FBN2: variants seen among roughly 807,000 people sequenced by gnomAD.
FBN2 encodes the protein fibrillin 2, also known as fibrillin-2.
A neutral mutation model predicts 355.6 loss-of-function variants in FBN2; 105 were observed. That is an observed-to-expected ratio of 0.30 (90% confidence interval 0.25 to 0.35). The LOEUF is 0.35. Among genes scored for constraint, FBN2 ranks in the 10% least tolerant of loss-of-function variants. The pLI is 1.00. For synonymous variants in FBN2, 1,350 were observed against 1,301.2 expected, an observed-to-expected ratio of 1.04 and a Z score of -0.81; for missense variants, 3,280 against 3,758.7, an observed-to-expected ratio of 0.87 and a Z score of 3.33.
chr5:128,276,327 C>T (rs1017222452), intron 58 of FBN2, among the ~76,000 whole-genome samples, 167 bp from the exon 59 acceptor site: 1 of 152,080 alleles, frequency 6.6e-6, no homozygotes, highest in African/African-American at 2.4e-5. Flanking sequence ...AAGTAACATG[C>T]GGGTTTACTT....
chr5:128,259,560 G>T lies in FBN2; in HGVS notation c.8634C>A (p.Tyr2878Ter), dbSNP rs150258538. The change falls in exon 65 of 65, where the codon TAC becomes TAA. Residue 2878 changes from tyrosine (Y) to a stop codon, truncating the protein, a stop_gained. Transcript: ENST00000262464. LOFTEE classifies it high-confidence loss of function. ...CCAGTTTCTTAAGCTCCTTCTTCTT[G>T]TAGAGAGGGATGCTAGTGATTTCCA... ...YTLEITSIPLYKKKELKKLEE... is the reference protein window; with the variant it reads ...YTLEITSIPL 6.2e-7 allele frequency: 1 copy of T among 1,613,930 alleles called. No homozygotes were observed. Among genetic ancestry groups the T allele is most frequent in the African/African-American group, 1.3e-5 (1 of 74,906 alleles).
At chr5:128,283,071 A>C (rs1166249124) in intron 55 of FBN2, among the ~76,000 whole-genome samples, 1 of 152,122 alleles carries the variant, frequency 6.6e-6, no homozygotes, top group African/African-American at 2.4e-5. Flanking sequence ...CTCACTTTCA[A>C]CCTTTTGTCT....
intron 5 of FBN2, among the ~76,000 whole-genome samples, chr5:128,467,632 T>G (rs1368659461): frequency 2.6e-5 from 4 of 152,138 alleles, no homozygotes; most frequent in Non-Finnish European, 5.9e-5. Flanking sequence ...AATACTGATG[T>G]ATACCATGCT....
At chr5:128,445,506 C>A (rs1197972956) in intron 7 of FBN2, among the ~76,000 whole-genome samples, 1 of 152,126 alleles carries the variant, frequency 6.6e-6, no homozygotes, top group Non-Finnish European at 1.5e-5. Context: ...TTTGCCTCTT[C>A]CCATTTTCTT....
In FBN2 at chr5:128,537,397, T is replaced by C; in HGVS notation, c.207A>G (p.Ala69=). The part of the protein sequence containing the change: ...LAPEYREEGA[A]VASRVRRRGQ... ...CTCGCCGGCGGACGCGGCTGGCCAC[T>C]GCGGCACCCTCCTCGCGATACTCGG... The change falls in exon 1 of 65, where the codon GCA becomes GCG. Residue 69 remains alanine (A), a synonymous_variant. Coordinates refer to ENST00000262464, the MANE Select transcript of FBN2 (RefSeq NM_001999.4). The C allele has an allele frequency of 6.2e-7, 1 of 1,610,426 alleles. No homozygotes were observed. The highest frequency in any genetic ancestry group is 8.5e-7 in the Non-Finnish European group (1 of 1,179,558).
chr5:128,405,874 A>G lies in FBN2; in HGVS notation c.1078+2800T>C, dbSNP rs146140138. Among the ~76,000 whole-genome samples, 631 of 152,276 alleles carry G rather than the reference A, an allele frequency of 4.1e-3. 11 individuals carry two copies. The highest frequency in any genetic ancestry group is 0.01 in the Middle Eastern group (3 of 294). ...AATAACCTCACTTCCTTCTCCAGGC[A>G]TATTTCTTCTAGCAATATTCTAGGA... is the stretch of plus-strand genomic sequence containing the variant. On this transcript the variant is annotated intron_variant, in intron 8 of 64. Coordinates refer to ENST00000262464, the MANE Select transcript of FBN2 (RefSeq NM_001999.4).
At chr5:128,386,909 T>A (rs1326720501) in intron 11 of FBN2, among the ~76,000 whole-genome samples, 1 of 152,142 alleles carries the variant, frequency 6.6e-6, no homozygotes, top group Non-Finnish European at 1.5e-5. Flanking sequence ...TCTCCTTTTT[T>A]ATTGTATCTC....
At chr5:128,395,615 G>C (rs1003369055) in intron 8 of FBN2, among the ~76,000 whole-genome samples, 1 of 152,200 alleles carries the variant, frequency 6.6e-6, no homozygotes, top group African/African-American at 2.4e-5. Flanking sequence ...AGCAACATCT[G>C]ACTGATGATT....
In FBN2 at chr5:128,302,983, A is replaced by G; in HGVS notation, c.5907T>C (p.Asn1969=). ...CYPGFELTHN[N]DCLDIDECSS... ...GAATGAAGTACTTACCCAGGCAATC[A>G]TTATTATGAGTGAGTTCAAACCCTG... Residue 1969 remains asparagine, a synonymous_variant, in exon 46 of 65, where the codon AAT becomes AAC. Transcript: ENST00000262464. The G allele has an allele frequency of 1.3e-6, 2 of 1,548,416 alleles. No individual in the cohort carries two copies. The highest frequency in any genetic ancestry group is 8.9e-7 in the Non-Finnish European group (1 of 1,120,238).
chr5:128,519,171 A>G (rs756109314), intron 5 of FBN2, 102 bp downstream of exon 5: 5 of 824,636 alleles, frequency 6.1e-6, no homozygotes, highest in Non-Finnish European at 1.0e-5. Context: ...AAGAGTAAAA[A>G]TATAATTTCA....
intron 44 of FBN2, 92 bp from the exon 45 acceptor site, chr5:128,305,174 T>A (rs1749834263): frequency 9.2e-7 from 1 of 1,088,852 alleles, no homozygotes; most frequent in African/African-American, 1.6e-5. Context: ...CTGCTATTAA[T>A]TATTATAGGC....
intron 7 of FBN2, among the ~76,000 whole-genome samples, chr5:128,438,193 T>C (rs1753825897): frequency 6.6e-6 from 1 of 152,246 alleles, no homozygotes; most frequent in African/African-American, 2.4e-5. Flanking sequence ...GGTTTCACCA[T>C]GTTGGCCAGG....
At chr5:128,278,894 C>A (rs1765464884) in intron 56 of FBN2, 53 bp from the exon 57 acceptor site, 3 of 1,446,198 alleles carry the variant, frequency 2.1e-6, no homozygotes, top group Admixed American at 1.8e-5. Flanking sequence ...ATTTCATTAT[C>A]CTGGCTTTCA....
At chr5:128,334,869 T>TTCAATAA (rs773059993) in intron 30 of FBN2, 25 bp from the exon 31 acceptor site, 1 of 1,586,476 alleles carries the variant, frequency 6.3e-7, no homozygotes, top group South Asian at 1.1e-5. Flanking sequence ...TTCAATATCT[T>TTCAATAA]AGTATGTGCT....
intron 5 of FBN2, among the ~76,000 whole-genome samples, chr5:128,500,504 G>A (rs920872287): frequency 7.4e-6 from 1 of 135,744 alleles, no homozygotes; most frequent in African/African-American, 2.9e-5. Context: ...CTGCTGTGGC[G>A]CGATCTCGGC....
chr5:128,361,951 C>G (rs758903537), intron 18 of FBN2, 103 bp from the exon 19 acceptor site: 2 of 1,161,582 alleles, frequency 1.7e-6, no homozygotes, highest in Non-Finnish European at 2.6e-6. Flanking sequence ...CCTCTTTCTT[C>G]TCTGTGACAT....
At chr5:128,453,078 A>G (rs1368437080) in intron 6 of FBN2, among the ~76,000 whole-genome samples, 7 of 152,208 alleles carry the variant, frequency 4.6e-5, no homozygotes, top group Admixed American at 4.6e-4. Flanking sequence ...TGTCCTAGCA[A>G]TCATTTAATA....
chr5:128,418,194 ATTAG>A (rs571635720), intron 7 of FBN2, among the ~76,000 whole-genome samples: 249 of 152,032 alleles, frequency 1.6e-3, no homozygotes, highest in African/African-American at 5.6e-3. Context: ...TCTAATTTTG[ATTAG>A]TTAGTCATCT....
At chr5:128,419,735 C>T (rs959977531) in intron 7 of FBN2, among the ~76,000 whole-genome samples, 4 of 152,020 alleles carry the variant, frequency 2.6e-5, no homozygotes, top group Admixed American at 6.6e-5. Flanking sequence ...TCTTGTTGCC[C>T]GGGCTGGAGT....
Sources: allele counts gnomAD v4.1 joint callset (sites outside exome capture counted in the v4.1 genomes callset), GRCh38; gene constraint gnomAD v4.1.1; transcripts MANE v1.5; gene names NCBI Gene and HGNC (gene_info 2026-07-23, HGNC 2026-07-21).